Variants in KIAA0586 observed in about 807,000 individuals in gnomAD.
KIAA0586 encodes the protein KIAA0586.
Under a neutral mutation model 169.8 loss-of-function variants are expected in KIAA0586, and 144 were observed. That is an observed-to-expected ratio of 0.85 (90% CI 0.74 to 0.97). The LOEUF is 0.97. Among genes scored for constraint, KIAA0586 ranks in the 50% least tolerant of loss-of-function variants. KIAA0586 has a pLI of 0.00. For synonymous variants in KIAA0586, 625 were observed against 612.4 expected (o/e 1.02, Z -0.30); for missense variants, 1,854 against 1,823.0 (o/e 1.02, Z -0.31).
At chr14:58,437,751 C>A in intron 4 of KIAA0586, among the ~76,000 whole-genome samples, 1 of 148,606 alleles carries the variant, frequency 6.7e-6, no homozygotes, top group Admixed American at 6.7e-5. Flanking sequence ...CAAAAGGGAT[C>A]CAAGCTGGAA....
intron 23 of KIAA0586, among the ~76,000 whole-genome samples, chr14:58,488,399 A>G (rs1030875116): frequency 2.6e-5 from 4 of 152,184 alleles, no homozygotes; most frequent in African/African-American, 9.7e-5. Flanking sequence ...ATGATCAGTT[A>G]ACTTTTATAT....
At chr14:58,483,971 T>TA (rs1230886742) in intron 21 of KIAA0586, among the ~76,000 whole-genome samples, 6 of 152,198 alleles carry the variant, frequency 3.9e-5, no homozygotes, top group Non-Finnish European at 8.8e-5. Flanking sequence ...ATTGGGAATA[T>TA]ATGCAGTACA....
At chr14:58,452,299 A>T (rs935753549) in intron 8 of KIAA0586, among the ~76,000 whole-genome samples, 1 of 152,232 alleles carries the variant, frequency 6.6e-6, no homozygotes, top group Non-Finnish European at 1.5e-5. Context: ...ATTAAAAGAA[A>T]AATAGTATAT....
intron 4 of KIAA0586, chr14:58,439,874 T>C (rs992019953): frequency 7.3e-6 from 7 of 959,624 alleles, no homozygotes; most frequent in Non-Finnish European, 8.7e-6. Context: ...ACTTAGACTC[T>C]CTTAGGGACT....
chr14:58,537,191 A>G (rs1035386065), intron 29 of KIAA0586: 4 of 1,046,594 alleles, frequency 3.8e-6, no homozygotes, highest in Admixed American at 5.4e-5. Flanking sequence ...ACTTGTTATA[A>G]GAATAAAAGT....
rs2040336512 is a variant in KIAA0586 at position 58,461,697 on chromosome 14, G to C, written c.2059+537G>C. Reference sequence around the variant, plus strand: ...ATCTAAATTATAATCTAGGAAAGTAGACATTTTCCTGAAGACCTAGGTGCA... The same window carrying C: ...ATCTAAATTATAATCTAGGAAAGTACACATTTTCCTGAAGACCTAGGTGCA... On this transcript the variant is annotated intron_variant, in intron 14 of 30. Coordinates refer to ENST00000652326, the MANE Select transcript of KIAA0586 (RefSeq NM_001329943.3). 1.3e-5 allele frequency among the ~76,000 whole-genome samples: 2 copies of C among 152,174 alleles called. 1 individual carries two copies. The highest frequency in any genetic ancestry group is 4.1e-4 in the South Asian group (2 of 4,824).
At chr14:58,539,136 G>A (rs1388944582) in intron 29 of KIAA0586, among the ~76,000 whole-genome samples, 1 of 152,044 alleles carries the variant, frequency 6.6e-6, no homozygotes, top group Non-Finnish European at 1.5e-5. Flanking sequence ...TTGTCTTTCT[G>A]TGTCTGGTTT....
intron 6 of KIAA0586, among the ~76,000 whole-genome samples, chr14:58,445,130 C>T (rs993380252): frequency 6.6e-6 from 1 of 150,502 alleles, no homozygotes; most frequent in African/African-American, 2.4e-5. Flanking sequence ...CATACATACA[C>T]ACACACACAC....
intron 28 of KIAA0586, among the ~76,000 whole-genome samples, chr14:58,509,877 TAA>T (rs2044262724): frequency 6.6e-6 from 1 of 152,152 alleles, no homozygotes; most frequent in African/African-American, 2.4e-5. Flanking sequence ...AAAACACAGT[TAA>T]GAGAATTAAA....
chr14:58,441,335 G>T, intron 4 of KIAA0586: 2 of 439,718 alleles, frequency 4.5e-6, no homozygotes, highest in Non-Finnish European at 9.1e-6. Flanking sequence ...CGAGTAGCTG[G>T]GACTACAGGT....
chr14:58,471,742 C>G (rs1757596668), intron 17 of KIAA0586, among the ~76,000 whole-genome samples: 1 of 152,052 alleles, frequency 6.6e-6, no homozygotes, highest in Non-Finnish European at 1.5e-5. Context: ...GAGGCTATTG[C>G]ATGACTACAT....
At chr14:58,541,093 A>C (rs1421396488) in intron 30 of KIAA0586, among the ~76,000 whole-genome samples, 1 of 152,250 alleles carries the variant, frequency 6.6e-6, no homozygotes, top group Non-Finnish European at 1.5e-5. Flanking sequence ...AAGCAACTGC[A>C]TTGCTGGAAC....
intron 27 of KIAA0586, among the ~76,000 whole-genome samples, chr14:58,502,480 A>G (rs1307236736): frequency 6.6e-6 from 1 of 152,160 alleles, no homozygotes; most frequent in South Asian, 2.1e-4. Flanking sequence ...GTGACATGCC[A>G]TCACTTCTGT....
intron 8 of KIAA0586, among the ~76,000 whole-genome samples, chr14:58,451,147 C>A (rs1043066322): frequency 6.6e-6 from 1 of 151,960 alleles, no homozygotes; most frequent in African/African-American, 2.4e-5. Context: ...CACCACCATA[C>A]CTGGTTAAAT....
intron 6 of KIAA0586, among the ~76,000 whole-genome samples, chr14:58,447,542 A>G (rs973308805): frequency 7.3e-5 from 11 of 151,452 alleles, no homozygotes; most frequent in African/African-American, 2.7e-4. Flanking sequence ...GTGTAGTGGC[A>G]CCATTTCGGC....
At chr14:58,521,840 G>A in intron 29 of KIAA0586, 1 of 896,318 alleles carries the variant, frequency 1.1e-6, no homozygotes, top group Non-Finnish European at 1.9e-6. Flanking sequence ...AGTCGGAGCG[G>A]GGTGCAGATG....
rs1237033261 is a variant in KIAA0586 at position 58,482,514 on chromosome 14, G to A, written c.2946G>A (p.Val982=). Residue 982 remains valine (V), a splice_region_variant and synonymous_variant, in exon 21 of 31, where the codon GTG becomes GTA. Coordinates refer to ENST00000652326, the MANE Select transcript of KIAA0586 (RefSeq NM_001329943.3). ...ETSEPLTSDI[V]EGTSSGALQL... ...CTGATTTTTTTTTTTTACTTTTAGT[G>A]GAAGGAACAAGCAGTGGCGCCCTCC... The A allele has an allele frequency of 4.1e-6, 6 of 1,469,082 alleles. No homozygotes were observed. The highest frequency in any genetic ancestry group is 5.4e-6 in the Non-Finnish European group (6 of 1,103,326). 91.0% of individuals were successfully genotyped at this position (1,469,082 alleles called of 1,614,324 possible). A position where few individuals can be genotyped will look rare whatever the true frequency, so the allele number is the denominator to read the frequency against.
chr14:58,458,989 G>A (rs926917158), intron 12 of KIAA0586, among the ~76,000 whole-genome samples: 2 of 152,046 alleles, frequency 1.3e-5, no homozygotes, highest in African/African-American at 4.8e-5. Context: ...AACCACAATG[G>A]GCATGGTACA....
chr14:58,445,793 T>TTTC (rs2038840459), intron 6 of KIAA0586, among the ~76,000 whole-genome samples: 1 of 151,278 alleles, frequency 6.6e-6, no homozygotes, highest in African/African-American at 2.4e-5. Context: ...CTTTTTTTTT[T>TTTC]TTTTTTTTGA....
Sources: allele counts gnomAD v4.1 joint callset (sites outside exome capture counted in the v4.1 genomes callset), GRCh38; gene constraint gnomAD v4.1.1; transcripts MANE v1.5; gene names NCBI Gene and HGNC (gene_info 2026-07-23, HGNC 2026-07-21).